Variants in TBC1D15 observed in about 807,000 individuals in gnomAD.
TBC1D15 encodes the protein TBC1 domain family member 15, also known as GAP for RAB7.
TBC1D15 carries 39 observed loss-of-function variants against 95.4 expected under a neutral mutation model. The ratio of observed to expected loss-of-function variants is 0.41; its 90% CI spans 0.32 to 0.53. The LOEUF is 0.53. Ranked by LOEUF, TBC1D15 falls within the 20% of genes least tolerant of loss-of-function variation. The pLI is 0.29. For missense variants in TBC1D15, 733 were observed against 794.3 expected (o/e 0.92, Z 0.93); for synonymous variants, 258 against 261.3 (o/e 0.99, Z 0.12).
intron 1 of TBC1D15, chr12:71,854,891 C>T: frequency 2.2e-6 from 1 of 455,544 alleles, no homozygotes; most frequent in South Asian, 1.6e-5. Flanking sequence ...TCATGTTTTC[C>T]ATCAGACAAA....
intron 3 of TBC1D15, among the ~76,000 whole-genome samples, chr12:71,875,847 G>A (rs1338185912): frequency 6.6e-6 from 1 of 151,842 alleles, no homozygotes; most frequent in African/African-American, 2.4e-5. Flanking sequence ...ACCCAGGCTG[G>A]AGTACCGTGG....
chr12:71,888,321 T>C (rs1896624030), intron 5 of TBC1D15, among the ~76,000 whole-genome samples: 1 of 151,952 alleles, frequency 6.6e-6, no homozygotes, highest in South Asian at 2.1e-4. Context: ...CCGTCTCTAC[T>C]ACAGATACAA....
At chr12:71,909,802 A>G (rs1005754068) in intron 11 of TBC1D15, among the ~76,000 whole-genome samples, 2 of 152,156 alleles carry the variant, frequency 1.3e-5, no homozygotes, top group Non-Finnish European at 2.9e-5. Flanking sequence ...TAGAAATTGT[A>G]CTGGTGCTGA....
chr12:71,890,699 C>T (rs561330531), intron 5 of TBC1D15, among the ~76,000 whole-genome samples: 12 of 152,212 alleles, frequency 7.9e-5, no homozygotes, highest in East Asian at 5.8e-4. Flanking sequence ...CTCAACAACC[C>T]GATCTAGTCA....
At chr12:71,922,727 G>A (rs945345480) in intron 16 of TBC1D15, among the ~76,000 whole-genome samples, 3 of 152,196 alleles carry the variant, frequency 2.0e-5, no homozygotes, top group Non-Finnish European at 4.4e-5. Flanking sequence ...ATTAGGACAT[G>A]CTATGTTTGT....
At position 71,918,469 on chromosome 12, in the gene TBC1D15, A is replaced by G. The variant is rs1283899318; in HGVS notation, c.1520A>G (p.Tyr507Cys). Residue 507 changes from tyrosine to cysteine, a missense_variant, in exon 14 of 17, where the codon TAC becomes TGC. Coordinates refer to ENST00000485960, the MANE Select transcript of TBC1D15 (RefSeq NM_001146213.3). ...CSYLESQDSG[Y>C]LYFCFRWLLI... ...TGCATAGAATCTCAGGACTCTGGAT[A>G]CCTTTATTTTTGCTTCAGGTGGCTT... 4 of 1,605,800 alleles carry G rather than the reference A, an allele frequency of 2.5e-6. No individual in the cohort carries two copies. Among genetic ancestry groups the G allele is most frequent in the East Asian group, 2.2e-5 (1 of 44,692 alleles).
In TBC1D15 at chr12:71,923,579, TCTATAGCATTCTAAG is replaced by T; in HGVS notation, c.*378_*392del. 2 of 176,312 alleles carry T rather than the reference TCTATAGCATTCTAAG, an allele frequency of 1.1e-5. No individual in the cohort carries two copies. Among genetic ancestry groups the T allele is most frequent in the South Asian group, 2.8e-4 (2 of 7,092 alleles). 10.9% of individuals were successfully genotyped at this position (176,312 alleles called of 1,614,324 possible). A position where few individuals can be genotyped will look rare whatever the true frequency, so the allele number is the denominator to read the frequency against. ...TTGATTAAATTAAATGTGGAGGCTT[TCTATAGCATTCTAAG>T]CTGAGAAGTAGATTGTTACCCAGTA... On this transcript the variant is annotated 3_prime_UTR_variant, in exon 17 of 17. Transcript: ENST00000485960.
At position 71,918,382 on chromosome 12, in the gene TBC1D15, A is replaced by G. The variant is rs1206934125; in HGVS notation, c.1502-69A>G. ...CCTAAGATGCATAGGAAAGTTAGAG[A>G]AAAGTAACTGTATTCTGACATAATT... is the stretch of plus-strand genomic sequence containing the variant. On this transcript the variant is annotated intron_variant, in intron 13 of 16. Transcript: ENST00000485960. The G allele has an allele frequency of 5.9e-6, 6 of 1,011,430 alleles. No individual in the cohort carries two copies. In the East Asian group the frequency reaches 1.5e-4, roughly 26 times the overall value. The allele number at this position is 1,011,430 out of a possible 1,614,324, so 62.7% of individuals were successfully genotyped here.
At chr12:71,896,224 T>G in intron 8 of TBC1D15, 149 bp downstream of exon 8, 1 of 691,116 alleles carries the variant, frequency 1.4e-6, no homozygotes, top group Non-Finnish European at 2.3e-6. Flanking sequence ...ACTCTGTTAT[T>G]TCTTTGATGA....
chr12:71,844,339 C>T (rs963260449), intron 1 of TBC1D15, among the ~76,000 whole-genome samples: 1 of 152,178 alleles, frequency 6.6e-6, no homozygotes, highest in Non-Finnish European at 1.5e-5. Flanking sequence ...CTGATCTGGT[C>T]TCTGTTTTTG....
intron 1 of TBC1D15, among the ~76,000 whole-genome samples, chr12:71,851,795 T>C (rs934917957): frequency 7.9e-6 from 1 of 126,484 alleles, no homozygotes; most frequent in Admixed American, 7.8e-5. Context: ...AGCTCTGCCC[T>C]GTGGCGTTGC....
At chr12:71,882,885 G>A (rs2138507156) in intron 4 of TBC1D15, among the ~76,000 whole-genome samples, 1 of 152,200 alleles carries the variant, frequency 6.6e-6, no homozygotes, top group East Asian at 1.9e-4. Context: ...AGCTTTAAAT[G>A]TGGAAATGTG....
At chr12:71,859,690 C>G (rs774673610) in intron 1 of TBC1D15, among the ~76,000 whole-genome samples, 3 of 152,098 alleles carry the variant, frequency 2.0e-5, no homozygotes, top group Non-Finnish European at 4.4e-5. Flanking sequence ...TCACTGCACC[C>G]TCTGCTTCCC....
chr12:71,864,496 T>TTG (rs1555196892), intron 1 of TBC1D15, among the ~76,000 whole-genome samples: 2 of 151,806 alleles, frequency 1.3e-5, no homozygotes, highest in Non-Finnish European at 2.9e-5. Flanking sequence ...TGTTTTTTTT[T>TTG]TTTGTTTGTT....
intron 7 of TBC1D15, 37 bp downstream of exon 7, chr12:71,894,920 T>C: frequency 6.4e-7 from 1 of 1,562,858 alleles, no homozygotes; most frequent in South Asian, 1.1e-5. Flanking sequence ...CTCTTATATT[T>C]TAACAGGAGA....
At chr12:71,842,662 C>G (rs1414319146) in intron 1 of TBC1D15, among the ~76,000 whole-genome samples, 1 of 151,512 alleles carries the variant, frequency 6.6e-6, no homozygotes, top group Non-Finnish European at 1.5e-5. Flanking sequence ...TAGACCCTGT[C>G]TCTATGAAAA....
intron 11 of TBC1D15, among the ~76,000 whole-genome samples, chr12:71,912,830 G>A (rs957506625): frequency 3.3e-5 from 5 of 152,092 alleles, no homozygotes; most frequent in Non-Finnish European, 2.9e-5. Flanking sequence ...AAAAGTTACC[G>A]AAGTTGAATG....
chr12:71,884,811 A>G lies in TBC1D15; in HGVS notation c.344A>G (p.Asp115Gly). 4 of 1,613,868 alleles carry G rather than the reference A, an allele frequency of 2.5e-6. No homozygotes were observed. Among genetic ancestry groups the G allele is most frequent in the Non-Finnish European group, 2.5e-6 (3 of 1,179,866 alleles). Residue 115 changes from aspartate (D) to glycine (G), a missense_variant and splice_region_variant, in exon 5 of 17, where the codon GAT (aspartate) becomes GGT (glycine). Asp to Gly is a moderately conservative substitution (Grantham distance 94). Transcript: ENST00000485960. ...TTTGCCCCACTTTCTTGTTTTTAAG[A>G]TGCTCCAAGTCATAGAAATGGGAAA... is the stretch of plus-strand genomic sequence containing the variant. ...SFKRKPHTNG[D>G]APSHRNGKSK...
intron 10 of TBC1D15, among the ~76,000 whole-genome samples, chr12:71,904,036 A>G (rs545474438): frequency 3.9e-5 from 6 of 152,334 alleles, no homozygotes; most frequent in Non-Finnish European, 8.8e-5. Context: ...AATAGATTAA[A>G]TTGCCAAGGG....
Sources: allele counts gnomAD v4.1 joint callset (sites outside exome capture counted in the v4.1 genomes callset), GRCh38; gene constraint gnomAD v4.1.1; transcripts MANE v1.5; gene names NCBI Gene and HGNC (gene_info 2026-07-23, HGNC 2026-07-21).